Variants in DCAF8L2 observed in about 807,000 individuals in gnomAD.
DCAF8L2 encodes the protein DDB1 and CUL4 associated factor 8 like 2, also known as DDB1- and CUL4-associated factor 8-like protein 2.
For synonymous variants in DCAF8L2, 200 were observed against 190.9 expected, an observed-to-expected ratio of 1.05 and a Z score of -0.39; for missense variants, 430 against 490.7, an observed-to-expected ratio of 0.88 and a Z score of 1.17.
the DCAF8L2 span, among the ~76,000 whole-genome samples, chrX:27,503,514 C>G: frequency 9.1e-6 from 1 of 110,195 alleles, no homozygotes; most frequent in Non-Finnish European, 1.9e-5. Context: ...TTTTTTGCCT[C>G]GGGATGTCAT....
the DCAF8L2 span, among the ~76,000 whole-genome samples, chrX:27,502,334 AAATATATATATATAT>A: frequency 4.0e-5 from 1 of 24,970 alleles, no homozygotes; most frequent in African/African-American, 1.8e-4. Flanking sequence ...AAAAAAAAAA[AAATATATATATATAT>A]ATATATATAT....
intron 4 of DCAF8L2, among the ~76,000 whole-genome samples, chrX:27,730,835 A>G (rs897049702): frequency 5.4e-5 from 6 of 111,665 alleles, no homozygotes; most frequent in Admixed American, 4.8e-4. Flanking sequence ...AATGCTGGCA[A>G]ATATTTGGCA....
intron 2 of DCAF8L2, among the ~76,000 whole-genome samples, chrX:27,661,605 C>T (rs1929561585): frequency 9.0e-6 from 1 of 111,382 alleles, no homozygotes; most frequent in Admixed American, 9.6e-5. Context: ...TTAATGTTAT[C>T]TAAGTCTATA....
rs143358858 is a variant in DCAF8L2 at position 27,661,364 on chromosome X, T to A, written c.-219-16472T>A. ...CAGAGGGTCTCTATCACTTTATTGGTGAATTCCAGTGTTCTCTGCTAGAAC... is the reference window on the plus strand; with the variant it reads ...CAGAGGGTCTCTATCACTTTATTGGAGAATTCCAGTGTTCTCTGCTAGAAC... On this transcript the variant is annotated intron_variant, in intron 2 of 4. Transcript: ENST00000451261. Among the ~76,000 whole-genome samples the A allele has an allele frequency of 7.4e-3, 824 of 111,818 alleles. 6 individuals are homozygous for A. Among genetic ancestry groups the A allele is most frequent in the African/African-American group, 0.026 (787 of 30,761 alleles).
chrX:27,559,368 C>T, the DCAF8L2 span, among the ~76,000 whole-genome samples: 1 of 111,638 alleles, frequency 9.0e-6, no homozygotes, highest in Non-Finnish European at 1.9e-5. Context: ...TAAAGGCAAA[C>T]CCATATCCAA....
At chrX:27,665,410 T>G (rs751556307) in intron 2 of DCAF8L2, among the ~76,000 whole-genome samples, 1 of 111,640 alleles carries the variant, frequency 9.0e-6, no homozygotes, top group Non-Finnish European at 1.9e-5. Flanking sequence ...GAATTACTTA[T>G]TATGGATGAG....
chrX:27,733,904 T>A (rs1369400393), intron 4 of DCAF8L2, among the ~76,000 whole-genome samples: 1 of 111,690 alleles, frequency 9.0e-6, no homozygotes, highest in Non-Finnish European at 1.9e-5. Context: ...CAATGTGATA[T>A]ACAACATTAA....
intron 3 of DCAF8L2, among the ~76,000 whole-genome samples, chrX:27,712,106 G>C (rs772053519): frequency 7.2e-5 from 8 of 111,063 alleles, no homozygotes; most frequent in Non-Finnish European, 1.5e-4. Flanking sequence ...AATATAGCTA[G>C]GGGTTGTGAA....
chrX:27,491,184 G>A, the DCAF8L2 span, among the ~76,000 whole-genome samples: 64 of 112,119 alleles, frequency 5.7e-4, no homozygotes, highest in African/African-American at 2.1e-3. Flanking sequence ...CTTTTGATTT[G>A]TACTTTTTTG....
intron 2 of DCAF8L2, among the ~76,000 whole-genome samples, chrX:27,676,688 A>G (rs1438161424): frequency 9.0e-6 from 1 of 111,258 alleles, no homozygotes; most frequent in Non-Finnish European, 1.9e-5. Context: ...TTAATGAGGC[A>G]AGGACTCTAA....
chrX:27,547,274 A>G, the DCAF8L2 span, among the ~76,000 whole-genome samples: 20 of 111,831 alleles, frequency 1.8e-4, no homozygotes, highest in Admixed American at 1.5e-3. Flanking sequence ...CCATTCAATA[A>G]GTGTCTCAGA....
intron 4 of DCAF8L2, among the ~76,000 whole-genome samples, chrX:27,734,021 T>G (rs978175714): frequency 9.0e-6 from 1 of 110,869 alleles, no homozygotes; most frequent in African/African-American, 3.3e-5. Flanking sequence ...AAAATAGGTA[T>G]AGAAGGAGAT....
At chrX:27,626,355 A>G (rs1928007398) in intron 1 of DCAF8L2, among the ~76,000 whole-genome samples, 1 of 112,158 alleles carries the variant, frequency 8.9e-6, no homozygotes, top group South Asian at 3.7e-4. Context: ...TCTCACCTCC[A>G]ATCTCTAGCC....
At chrX:27,708,346 C>A (rs938588245) in intron 3 of DCAF8L2, among the ~76,000 whole-genome samples, 3 of 111,837 alleles carry the variant, frequency 2.7e-5, no homozygotes, top group African/African-American at 9.8e-5. Flanking sequence ...TTAATGGCTG[C>A]ATAGTATTCT....
At chrX:27,696,274 GAAAGAAAGAAAGAAAGAA>G (rs1930902885) in intron 3 of DCAF8L2, among the ~76,000 whole-genome samples, 1 of 24,946 alleles carries the variant, frequency 4.0e-5, no homozygotes, top group Admixed American at 3.7e-4. Context: ...GAGAGAGAAA[GAAAGAAAGAAAGAAAGAA>G]AGAAAGAAAG....
At chrX:27,690,405 A>G (rs1473584567) in intron 3 of DCAF8L2, among the ~76,000 whole-genome samples, 1 of 111,623 alleles carries the variant, frequency 9.0e-6, no homozygotes, top group Admixed American at 9.5e-5. Flanking sequence ...GCATGTGATG[A>G]TCTACAGAAT....
the DCAF8L2 span, among the ~76,000 whole-genome samples, chrX:27,545,777 T>C: frequency 4.5e-5 from 5 of 111,661 alleles, no homozygotes; most frequent in Admixed American, 9.5e-5. Context: ...CTTACAATCA[T>C]AGTGGAAGGG....
intron 1 of DCAF8L2, among the ~76,000 whole-genome samples, chrX:27,607,064 A>C (rs969405425): frequency 8.9e-6 from 1 of 111,965 alleles, no homozygotes; most frequent in Non-Finnish European, 1.9e-5. Context: ...GACAGTTGAC[A>C]ATGTTAAATC....
chrX:27,655,274 G>A (rs769854854), intron 2 of DCAF8L2, among the ~76,000 whole-genome samples: 11 of 112,183 alleles, frequency 9.8e-5, no homozygotes, highest in Non-Finnish European at 1.7e-4. Context: ...TCAAGAGATT[G>A]ATTAAAATCA....
Sources: gnomAD v4.1 joint callset for allele counts (sites outside exome capture counted in the v4.1 genomes callset) on GRCh38, gnomAD v4.1.1 for gene constraint, MANE v1.5 for transcripts, NCBI Gene and HGNC (gene_info 2026-07-23, HGNC 2026-07-21) for gene names.